GRIN2B: variants seen among roughly 807,000 people sequenced by gnomAD.
GRIN2B encodes the protein glutamate ionotropic receptor NMDA type subunit 2B, also known as glutamate receptor ionotropic, NMDA 2B.
In GRIN2B, 5 loss-of-function variants were observed where a neutral mutation model predicts 114.5. The ratio of observed to expected loss-of-function variants is 0.04; its 90% CI spans 0.02 to 0.09. The LOEUF (loss-of-function observed/expected upper bound fraction) is 0.09, where lower values mean the gene tolerates loss of function less well. GRIN2B is among the 10% of genes least tolerant of loss of function. The pLI, the probability that GRIN2B is intolerant of heterozygous loss-of-function variation, is 1.00. For synonymous variants in GRIN2B, 787 were observed against 745.1 expected (o/e 1.06, Z -0.92); for missense variants, 1,108 against 1,943.5 (o/e 0.57, Z 8.08).
In GRIN2B at chr12:13,539,218, T is replaced by A. The variant is rs1379337026; in HGVS notation, c.*23565A>T. On this transcript the variant is annotated 3_prime_UTR_variant, in exon 14 of 14. Transcript: ENST00000609686. ...CTGGGAGATTCCTGGAACTAGGGATTAGCCCTGCTGGCTTCTAGCCAGGGC... is the reference window on the plus strand; with the variant it reads ...CTGGGAGATTCCTGGAACTAGGGATAAGCCCTGCTGGCTTCTAGCCAGGGC... 1 of 152,240 alleles carries A rather than the reference T, an allele frequency of 6.6e-6. No individual in the cohort carries two copies. The highest frequency in any genetic ancestry group is 1.5e-5 in the Non-Finnish European group (1 of 68,046). 9.4% of individuals were successfully genotyped at this position (152,240 alleles called of 1,614,324 possible). A position where few individuals can be genotyped will look rare whatever the true frequency, so the allele number is the denominator to read the frequency against.
At chr12:13,818,265 G>T (rs1000503623) in intron 3 of GRIN2B, among the ~76,000 whole-genome samples, 3 of 152,156 alleles carry the variant, frequency 2.0e-5, no homozygotes, top group African/African-American at 7.2e-5. Flanking sequence ...AGGAGCCAGC[G>T]ACCCAGTGGG....
At position 13,555,450 on chromosome 12, in the gene GRIN2B, A is replaced by T. The variant is rs557152111; in HGVS notation, c.*7333T>A. On this transcript the variant is annotated 3_prime_UTR_variant, in exon 14 of 14. Coordinates refer to ENST00000609686, the MANE Select transcript of GRIN2B (RefSeq NM_000834.5). ...GATAGCGATAGGACAGAAATTCAAG[A>T]GTCAAATTGGATTGAGAGATTTGTC... The T allele has an allele frequency of 3.9e-5, 6 of 152,310 alleles. No homozygotes were observed. Among genetic ancestry groups the T allele is most frequent in the Admixed American group, 2.0e-4 (3 of 15,288 alleles). The allele number at this position is 152,310 out of a possible 1,614,324, so 9.4% of individuals were successfully genotyped here.
At chr12:13,728,291 A>G (rs1259851154) in intron 4 of GRIN2B, among the ~76,000 whole-genome samples, 2 of 152,146 alleles carry the variant, frequency 1.3e-5, no homozygotes, top group Non-Finnish European at 2.9e-5. Flanking sequence ...GGGTATGGGA[A>G]CCAATAAACT....
At chr12:13,710,498 A>G (rs1323569091) in intron 4 of GRIN2B, among the ~76,000 whole-genome samples, 1 of 152,156 alleles carries the variant, frequency 6.6e-6, no homozygotes, top group Non-Finnish European at 1.5e-5. Context: ...TCAGCCCAAA[A>G]TCTCCTGAAG....
intron 3 of GRIN2B, among the ~76,000 whole-genome samples, chr12:13,794,435 G>C (rs577459355): frequency 6.6e-6 from 1 of 152,236 alleles, no homozygotes; most frequent in East Asian, 1.9e-4. Context: ...TGTCCAACTA[G>C]AATGAGCTAT....
intron 10 of GRIN2B, among the ~76,000 whole-genome samples, chr12:13,581,525 G>A (rs1948849530): frequency 6.6e-6 from 1 of 152,208 alleles, no homozygotes; most frequent in Non-Finnish European, 1.5e-5. Context: ...ACAAGGAGTA[G>A]ACTTTCTGAG....
At chr12:13,886,343 C>T (rs1866156877) in intron 2 of GRIN2B, among the ~76,000 whole-genome samples, 1 of 152,180 alleles carries the variant, frequency 6.6e-6, no homozygotes, top group Admixed American at 6.5e-5. Context: ...CCCACAGTTC[C>T]ATATCACCCC....
intron 5 of GRIN2B, among the ~76,000 whole-genome samples, chr12:13,643,805 ACTTT>A (rs1949740407): frequency 6.6e-6 from 1 of 152,144 alleles, no homozygotes; most frequent in African/African-American, 2.4e-5. Flanking sequence ...TCAAGAAAAC[ACTTT>A]CTTTGCTCAT....
chr12:13,582,395 C>G (rs1349823493), intron 10 of GRIN2B, among the ~76,000 whole-genome samples: 1 of 152,238 alleles, frequency 6.6e-6, no homozygotes, highest in Non-Finnish European at 1.5e-5. Context: ...CAAATTAACT[C>G]TGTTCTCTTC....
intron 4 of GRIN2B, among the ~76,000 whole-genome samples, chr12:13,706,560 G>A (rs900648759): frequency 2.6e-5 from 4 of 152,074 alleles, no homozygotes; most frequent in African/African-American, 9.7e-5. Flanking sequence ...TTGCTGTATG[G>A]ACAGCAGTAG....
At chr12:13,746,692 T>C (rs1029543277) in intron 4 of GRIN2B, among the ~76,000 whole-genome samples, 1 of 152,326 alleles carries the variant, frequency 6.6e-6, no homozygotes, top group African/African-American at 2.4e-5. Flanking sequence ...ATGCTGGAGA[T>C]TGAGCCAGTG....
intron 5 of GRIN2B, among the ~76,000 whole-genome samples, chr12:13,664,376 G>A (rs929553256): frequency 2.4e-4 from 36 of 152,110 alleles, no homozygotes; most frequent in African/African-American, 8.4e-4. Flanking sequence ...ATTCATTCAA[G>A]TAGTACTGTA....
intron 3 of GRIN2B, among the ~76,000 whole-genome samples, chr12:13,839,977 G>T (rs752938852): frequency 6.6e-6 from 1 of 152,152 alleles, no homozygotes; most frequent in Non-Finnish European, 1.5e-5. Flanking sequence ...ATTTTTATAC[G>T]TGAATCTTTT....
At chr12:13,962,089 TACAC>T (rs143658576) in intron 2 of GRIN2B, among the ~76,000 whole-genome samples, 51 of 145,342 alleles carry the variant, frequency 3.5e-4, no homozygotes, top group South Asian at 4.6e-4. Context: ...CTCTCATACA[TACAC>T]ACACACACAC....
rs1428760371 is a variant in GRIN2B at position 13,546,404 on chromosome 12, A to G, written c.*16379T>C. 6.6e-6 allele frequency: 1 copy of G among 152,266 alleles called. No individual in the cohort carries two copies. 9.4% of individuals were successfully genotyped at this position (152,266 alleles called of 1,614,324 possible). On this transcript the variant is annotated 3_prime_UTR_variant, in exon 14 of 14. Coordinates refer to ENST00000609686, the MANE Select transcript of GRIN2B (RefSeq NM_000834.5). ...CCATTTCTGAGCCATCAATGGCAGC[A>G]CAGCCTCTCCTTCTGCCAGAGCTCA...
chr12:13,681,700 T>G (rs1010547215), intron 4 of GRIN2B, among the ~76,000 whole-genome samples: 1 of 152,158 alleles, frequency 6.6e-6, no homozygotes, highest in Non-Finnish European at 1.5e-5. Flanking sequence ...TTAAACATAG[T>G]TTTTAGTGTG....
intron 4 of GRIN2B, among the ~76,000 whole-genome samples, chr12:13,746,025 CA>C (rs201084075): frequency 7.9e-5 from 12 of 151,232 alleles, no homozygotes; most frequent in East Asian, 1.9e-4. Flanking sequence ...AGGAGGGAGA[CA>C]AAAAAAATTT....
intron 2 of GRIN2B, among the ~76,000 whole-genome samples, chr12:13,902,457 AC>A (rs1866467429): frequency 6.6e-6 from 1 of 152,232 alleles, no homozygotes; most frequent in African/African-American, 2.4e-5. Flanking sequence ...AACCAAAAAA[AC>A]AAAACAAAAA....
intron 3 of GRIN2B, among the ~76,000 whole-genome samples, chr12:13,843,246 C>G (rs908126243): frequency 1.3e-5 from 2 of 151,584 alleles, no homozygotes; most frequent in African/African-American, 4.8e-5. Context: ...CACACACACT[C>G]GCACAGACAC....
Sources: gnomAD v4.1 joint callset for allele counts (sites outside exome capture counted in the v4.1 genomes callset) on GRCh38, gnomAD v4.1.1 for gene constraint, MANE v1.5 for transcripts, NCBI Gene and HGNC (gene_info 2026-07-23, HGNC 2026-07-21) for gene names.